The following RASSF5 variants were observed in gnomAD, a reference collection of about 807,000 sequenced individuals.
RASSF5 encodes the protein Ras association domain family member 5.
A neutral mutation model predicts 40.5 loss-of-function variants in RASSF5; 25 were observed. The observed-to-expected ratio is 0.62, with a 90% CI of 0.45 to 0.86. The LOEUF (loss-of-function observed/expected upper bound fraction) is 0.86, where lower values mean the gene tolerates loss of function less well. RASSF5 is among the 40% of genes least tolerant of loss of function. The pLI is 0.00. For synonymous variants in RASSF5, 246 were observed against 252.4 expected (o/e 0.97, Z 0.24); for missense variants, 521 against 572.8 (o/e 0.91, Z 0.92).
intron 1 of RASSF5, among the ~76,000 whole-genome samples, chr1:206,528,223 G>A (rs1667146214): frequency 1.3e-5 from 2 of 151,824 alleles, no homozygotes; most frequent in Admixed American, 1.3e-4. Flanking sequence ...TAGCTACTAT[G>A]TACCCACAAT....
At chr1:206,567,058 A>C (rs1668307922) in intron 2 of RASSF5, among the ~76,000 whole-genome samples, 1 of 152,254 alleles carries the variant, frequency 6.6e-6, no homozygotes, top group African/African-American at 2.4e-5. Context: ...TCCAGTTATC[A>C]GGAAATGAAA....
In RASSF5 at chr1:206,584,353, G is replaced by A. The variant is rs1553406999; in HGVS notation, c.691-34G>A. The A allele has an allele frequency of 1.3e-6, 2 of 1,584,278 alleles. No individual in the cohort carries two copies. Among genetic ancestry groups the A allele is most frequent in the Non-Finnish European group, 1.7e-6 (2 of 1,164,160 alleles). ...CAGATATGATCATGCAAGGCGGACG[G>A]CCCTGACCCCCTGTGACATGCCCCC... On this transcript the variant is annotated intron_variant, in intron 3 of 5. Transcript: ENST00000579436. This position sits in a 1 kb window ranked among gnomAD's most constrained non-coding sequence, Gnocchi z 4.9.
chr1:206,553,919 CCACCATTAACTAA>C (rs1203331094), intron 2 of RASSF5, among the ~76,000 whole-genome samples: 1 of 152,212 alleles, frequency 6.6e-6, no homozygotes, highest in African/African-American at 2.4e-5. Flanking sequence ...ATATCTGGCT[CCACCATTAACTAA>C]CAGTGTGGAT....
Position 206,584,702 on chromosome 1 carries a change from C to A in RASSF5, c.988+18C>A, listed in dbSNP as rs781873516. 6.2e-7 allele frequency: 1 copy of A among 1,613,784 alleles called. No individual in the cohort carries two copies. The highest frequency in any genetic ancestry group is 8.5e-7 in the Non-Finnish European group (1 of 1,179,776). Reference sequence around the variant, plus strand: ...CGGACAAGGTAGGAGAAAGAGTGAACCCAACCAGACCGTTCCCTTCCTACC... The same window carrying A: ...CGGACAAGGTAGGAGAAAGAGTGAAACCAACCAGACCGTTCCCTTCCTACC... On this transcript the variant is annotated intron_variant, in intron 4 of 5. Transcript: ENST00000579436. The surrounding 1 kb of genome is among the most constrained non-coding windows in gnomAD (Gnocchi z 4.9).
At chr1:206,533,619 G>A (rs1667302529) in intron 1 of RASSF5, among the ~76,000 whole-genome samples, 2 of 152,166 alleles carry the variant, frequency 1.3e-5, no homozygotes, top group South Asian at 4.2e-4. Context: ...ACTGGGCATG[G>A]TGGCACACAC....
chr1:206,508,274 C>T (rs1401038245), intron 1 of RASSF5, among the ~76,000 whole-genome samples: 6 of 151,966 alleles, frequency 3.9e-5, no homozygotes, highest in African/African-American at 1.5e-4. Flanking sequence ...TATGGTTATG[C>T]GGTAGTTAAC....
chr1:206,538,345 C>A (rs782537389), intron 2 of RASSF5, 52 bp downstream of exon 2: 3 of 1,603,006 alleles, frequency 1.9e-6, no homozygotes, highest in African/African-American at 1.3e-5. Flanking sequence ...GCAGGTGCCC[C>A]GGGCTCCACT....
chr1:206,551,169 A>C (rs537240591), intron 2 of RASSF5, among the ~76,000 whole-genome samples: 21 of 152,058 alleles, frequency 1.4e-4, no homozygotes, highest in Non-Finnish European at 2.4e-4. Flanking sequence ...GAGGGTGGGG[A>C]GCAGAATACA....
intron 1 of RASSF5, among the ~76,000 whole-genome samples, chr1:206,521,125 G>A (rs1666893967): frequency 6.6e-6 from 1 of 152,200 alleles, no homozygotes; most frequent in African/African-American, 2.4e-5. Flanking sequence ...TAGGAGCTAA[G>A]CAAGCATGTC....
At chr1:206,557,087 CAGGCGGCG>C in intron 2 of RASSF5, 1 of 976,684 alleles carries the variant, frequency 1.0e-6, no homozygotes, top group Non-Finnish European at 1.2e-6. Context: ...GGGTGGCACC[CAGGCGGCG>C]GGGAGGCGGG....
Position 206,587,230 on chromosome 1 carries a change from CCT to C in RASSF5, c.*258_*259del. Reference sequence around the variant, plus strand: ...CTCATGTGAAACAAACAGCTGACGTCCTCTCTCGATCTGCAAGCCTTTCACCA... The same window carrying C: ...CTCATGTGAAACAAACAGCTGACGTCCTCTCGATCTGCAAGCCTTTCACCA... On this transcript the variant is annotated 3_prime_UTR_variant, in exon 6 of 6. Transcript: ENST00000579436. The C allele has an allele frequency of 2.2e-6, 1 of 451,086 alleles. No individual in the cohort carries two copies. Among genetic ancestry groups the C allele is most frequent in the East Asian group, 4.4e-5 (1 of 22,554 alleles). The allele number at this position is 451,086 out of a possible 1,614,324, so 27.9% of individuals were successfully genotyped here. A position where few individuals can be genotyped will look rare whatever the true frequency, so the allele number is the denominator to read the frequency against.
chr1:206,578,082 C>G (rs556862202), intron 2 of RASSF5, among the ~76,000 whole-genome samples: 1 of 151,136 alleles, frequency 6.6e-6, no homozygotes, highest in South Asian at 2.1e-4. Context: ...AAAAAATTAG[C>G]CAGGAGTGTG....
chr1:206,574,365 A>G (rs1010949817), intron 2 of RASSF5, among the ~76,000 whole-genome samples: 74 of 152,328 alleles, frequency 4.9e-4, no homozygotes, highest in African/African-American at 1.7e-3. Context: ...ACAGGGTCAC[A>G]TCCCATCTGC....
chr1:206,517,794 T>C (rs534114500), intron 1 of RASSF5, among the ~76,000 whole-genome samples: 70 of 152,292 alleles, frequency 4.6e-4, no homozygotes, highest in African/African-American at 1.6e-3. Flanking sequence ...CCCACACCCA[T>C]AGGGTCACAT....
chr1:206,557,546 G>A, intron 2 of RASSF5: 1 of 1,612,602 alleles, frequency 6.2e-7, no homozygotes, highest in African/African-American at 1.3e-5. Context: ...TGATGCGCTG[G>A]CGGCCTCGGC....
In RASSF5 at chr1:206,508,085, G is replaced by T. The variant is rs918658717; in HGVS notation, c.457+26G>T. The T allele has an allele frequency of 4.5e-6, 6 of 1,345,894 alleles. No individual in the cohort carries two copies. The African/African-American group carries it at 4.5e-5, about 10-fold the overall frequency. 83.4% of individuals were successfully genotyped at this position (1,345,894 alleles called of 1,614,324 possible). A position where few individuals can be genotyped will look rare whatever the true frequency, so the allele number is the denominator to read the frequency against. ...GTAAGTGTGAAGGCAGGGGAGGGGCGTGCGGGGAGACCGCAGTCTGGGGGC... is the reference window on the plus strand; with the variant it reads ...GTAAGTGTGAAGGCAGGGGAGGGGCTTGCGGGGAGACCGCAGTCTGGGGGC... On this transcript the variant is annotated intron_variant, in intron 1 of 5. Coordinates refer to ENST00000579436, the MANE Select transcript of RASSF5 (RefSeq NM_182663.4).
chr1:206,524,060 TA>T (rs1553396712), intron 1 of RASSF5, among the ~76,000 whole-genome samples: 3 of 108,186 alleles, frequency 2.8e-5, no homozygotes, highest in African/African-American at 9.5e-5. Flanking sequence ...ATAATAGGTA[TA>T]ACATATATAA....
intron 1 of RASSF5, among the ~76,000 whole-genome samples, chr1:206,517,520 C>T (rs116801350): frequency 1.3e-5 from 2 of 152,236 alleles, no homozygotes; most frequent in Admixed American, 6.5e-5. Context: ...TTAAGCTGGT[C>T]CCCGCTGGTG....
intron 1 of RASSF5, chr1:206,529,389 G>A (rs1393729908): frequency 2.6e-6 from 2 of 754,912 alleles, no homozygotes; most frequent in Non-Finnish European, 4.7e-6. Context: ...ACATGACGTG[G>A]ATCCCATTGA....
Sources: allele counts gnomAD v4.1 joint callset (sites outside exome capture counted in the v4.1 genomes callset), GRCh38; gene constraint gnomAD v4.1.1; non-coding constraint Gnocchi (gnomAD v3.1); transcripts MANE v1.5; gene names NCBI Gene and HGNC (gene_info 2026-07-23, HGNC 2026-07-21).